Variants in COX7B2 observed in about 807,000 individuals in gnomAD.
The protein encoded by COX7B2 is cytochrome c oxidase subunit 7B2, mitochondrial.
For missense variants in COX7B2, 109 were observed against 95.9 expected (o/e 1.14, Z -0.57); for synonymous variants, 37 against 32.1 (o/e 1.15, Z -0.51).
intron 2 of COX7B2, among the ~76,000 whole-genome samples, chr4:46,800,583 C>T (rs1718605758): frequency 6.6e-6 from 1 of 152,094 alleles, no homozygotes; most frequent in Non-Finnish European, 1.5e-5. Context: ...TCCTTGTTTA[C>T]ACCATACAGA....
In COX7B2 at chr4:46,860,437, G is replaced by A. The variant is rs375404601; in HGVS notation, c.-104-15423C>T. Among the ~76,000 whole-genome samples the A allele has an allele frequency of 1.4e-4, 21 of 152,232 alleles. No homozygotes were observed. The East Asian group carries it at 3.1e-3, about 22-fold the overall frequency. On this transcript the variant is annotated intron_variant, in intron 1 of 2. Transcript: ENST00000355591. ...TGGTCTGCACATTGGTCTCCTTGCA[G>A]CAGTCAAACCCTCCCAAGCTTGGGA...
At position 46,735,122 on chromosome 4, in the gene COX7B2, C is replaced by G; in HGVS notation, c.71G>C (p.Arg24Thr). ...KIQSILQSMA[R>T]HSHVKHSPDF... ...TGGTGAGTGTTTTACATGGCTATGT[C>G]TTGCCATGCTTTGCAGAATGCTTTG... The change falls in exon 3 of 3, where the codon AGA becomes ACA. Residue 24 changes from arginine to threonine, a missense_variant. Arg to Thr is a moderately conservative substitution (Grantham distance 71). Coordinates refer to ENST00000355591, the MANE Select transcript of COX7B2 (RefSeq NM_130902.3). The G allele has an allele frequency of 6.2e-7, 1 of 1,613,642 alleles. No individual in the cohort carries two copies. The highest frequency in any genetic ancestry group is 8.5e-7 in the Non-Finnish European group (1 of 1,179,694).
chr4:46,895,392 A>C (rs1424871874), intron 1 of COX7B2, among the ~76,000 whole-genome samples: 1 of 152,180 alleles, frequency 6.6e-6, no homozygotes, highest in African/African-American at 2.4e-5. Context: ...GCAGGAACAG[A>C]AAACCAAATA....
intron 2 of COX7B2, among the ~76,000 whole-genome samples, chr4:46,835,940 G>A (rs984411333): frequency 6.6e-6 from 1 of 152,104 alleles, no homozygotes. Flanking sequence ...TAACTCGAGG[G>A]TAATGATTTA....
intron 1 of COX7B2, among the ~76,000 whole-genome samples, chr4:46,858,457 G>A (rs906174359): frequency 3.3e-5 from 5 of 151,780 alleles, no homozygotes; most frequent in South Asian, 2.1e-4. Context: ...GTTTCAGGCC[G>A]TTTTTCATTC....
chr4:46,795,740 G>C (rs1203765874), intron 2 of COX7B2, among the ~76,000 whole-genome samples: 1 of 16,932 alleles, frequency 5.9e-5, no homozygotes, highest in Non-Finnish European at 1.0e-4. Flanking sequence ...TGTGAAGAAA[G>C]TCATTGGTAG....
chr4:46,750,292 G>T (rs1254005286), intron 2 of COX7B2, among the ~76,000 whole-genome samples: 1 of 151,070 alleles, frequency 6.6e-6, no homozygotes, highest in Non-Finnish European at 1.5e-5. Context: ...TACTCAGGAG[G>T]CTGAGGTGGA....
intron 2 of COX7B2, among the ~76,000 whole-genome samples, chr4:46,822,237 G>C (rs1714349774): frequency 6.6e-6 from 1 of 152,156 alleles, no homozygotes; most frequent in African/African-American, 2.4e-5. Context: ...GAAAATATGG[G>C]AGTTTTTGTT....
At chr4:46,860,071 C>A (rs1000418899) in intron 1 of COX7B2, among the ~76,000 whole-genome samples, 1 of 152,138 alleles carries the variant, frequency 6.6e-6, no homozygotes, top group Non-Finnish European at 1.5e-5. Flanking sequence ...GCTCACCTGC[C>A]CTGTATCTTC....
At chr4:46,759,573 C>A (rs111674124) in intron 2 of COX7B2, among the ~76,000 whole-genome samples, 3 of 151,604 alleles carry the variant, frequency 2.0e-5, no homozygotes, top group East Asian at 3.9e-4. Context: ...GACATTTATG[C>A]GGCCAACAAA....
chr4:46,889,254 T>G (rs979534051), intron 1 of COX7B2, among the ~76,000 whole-genome samples: 14 of 152,228 alleles, frequency 9.2e-5, no homozygotes, highest in Admixed American at 8.5e-4. Context: ...ATCTACATTT[T>G]CTCTGGCTAG....
chr4:46,741,467 C>T (rs1437843812), intron 2 of COX7B2, among the ~76,000 whole-genome samples: 2 of 152,008 alleles, frequency 1.3e-5, no homozygotes, highest in Admixed American at 6.6e-5. Flanking sequence ...AAATCATTCC[C>T]AGTTCAGAAC....
chr4:46,852,268 C>T (rs1225127742), intron 1 of COX7B2, among the ~76,000 whole-genome samples: 1 of 152,078 alleles, frequency 6.6e-6, no homozygotes, highest in Non-Finnish European at 1.5e-5. Flanking sequence ...TCAATTTGTT[C>T]ATTAGGAGCT....
At chr4:46,839,343 C>CCT (rs1715764840) in intron 2 of COX7B2, among the ~76,000 whole-genome samples, 1 of 151,950 alleles carries the variant, frequency 6.6e-6, no homozygotes, top group Non-Finnish European at 1.5e-5. Flanking sequence ...GTGCTTCAGT[C>CCT]CTCTTGTCAA....
At chr4:46,901,508 AG>A (rs1237465297) in intron 1 of COX7B2, among the ~76,000 whole-genome samples, 14 of 152,250 alleles carry the variant, frequency 9.2e-5, no homozygotes, top group African/African-American at 3.4e-4. Flanking sequence ...AAATTTAGAT[AG>A]TACAGTTTAA....
intron 2 of COX7B2, among the ~76,000 whole-genome samples, chr4:46,780,047 T>C (rs1338350990): frequency 6.6e-6 from 1 of 152,196 alleles, no homozygotes; most frequent in Admixed American, 6.5e-5. Flanking sequence ...CATATCAAAC[T>C]TTGTTGTATA....
At chr4:46,803,153 A>G (rs951787809) in intron 2 of COX7B2, among the ~76,000 whole-genome samples, 2 of 152,062 alleles carry the variant, frequency 1.3e-5, no homozygotes, top group Non-Finnish European at 2.9e-5. Context: ...GAGTTGTATA[A>G]AGGTTCTTTT....
At chr4:46,898,043 A>G (rs1560443975) in intron 1 of COX7B2, among the ~76,000 whole-genome samples, 1 of 152,078 alleles carries the variant, frequency 6.6e-6, no homozygotes, top group Non-Finnish European at 1.5e-5. Context: ...GGGCTTACTC[A>G]TTCTCATGAC....
intron 1 of COX7B2, among the ~76,000 whole-genome samples, chr4:46,894,832 T>TC (rs1400288183): frequency 6.6e-6 from 1 of 151,938 alleles, no homozygotes; most frequent in African/African-American, 2.4e-5. Flanking sequence ...AAAGACATAA[T>TC]CACTTTTCAA....
Sources: gnomAD v4.1 joint callset for allele counts (sites outside exome capture counted in the v4.1 genomes callset) on GRCh38, gnomAD v4.1.1 for gene constraint, MANE v1.5 for transcripts, NCBI Gene and HGNC (gene_info 2026-07-23, HGNC 2026-07-21) for gene names.